SEMA5A: variants seen among roughly 807,000 people sequenced by gnomAD.
SEMA5A encodes semaphorin 5A, also known as semaphorin-5A.
SEMA5A carries 55 observed loss-of-function variants against 135.5 expected under a neutral mutation model. The observed-to-expected ratio is 0.41, with a 90% confidence interval of 0.33 to 0.51. SEMA5A has a LOEUF of 0.51. SEMA5A is among the 20% of genes least tolerant of loss of function. The pLI, the probability that SEMA5A is intolerant of heterozygous loss-of-function variation, is 0.37. For synonymous variants in SEMA5A, 580 were observed against 546.5 expected, an observed-to-expected ratio of 1.06 and a Z score of -0.85; for missense variants, 1,290 against 1,419.9, an observed-to-expected ratio of 0.91 and a Z score of 1.47.
chr5:9,200,199 A>G (rs781335519), intron 9 of SEMA5A, among the ~76,000 whole-genome samples: 11 of 152,240 alleles, frequency 7.2e-5, no homozygotes, highest in Non-Finnish European at 1.3e-4. Context: ...TCTATCTCTA[A>G]AAGTATAGAT....
chr5:9,075,974 A>C (rs1738030574), intron 16 of SEMA5A, among the ~76,000 whole-genome samples: 1 of 152,084 alleles, frequency 6.6e-6, no homozygotes, highest in Admixed American at 6.5e-5. Context: ...TGGGAGGCTG[A>C]GGCGGTTGCA....
chr5:9,468,622 A>G (rs995561213), intron 1 of SEMA5A, among the ~76,000 whole-genome samples: 1 of 152,260 alleles, frequency 6.6e-6, no homozygotes, highest in African/African-American at 2.4e-5. Context: ...TATAAAATTC[A>G]GGCTGTCTAT....
intron 2 of SEMA5A, among the ~76,000 whole-genome samples, chr5:9,420,642 G>A (rs1757432731): frequency 6.6e-6 from 1 of 152,136 alleles, no homozygotes; most frequent in African/African-American, 2.4e-5. Context: ...AGTATTTTGA[G>A]CCCTTTAGAC....
At chr5:9,374,725 C>T (rs183541328) in intron 3 of SEMA5A, among the ~76,000 whole-genome samples, 8 of 152,178 alleles carry the variant, frequency 5.3e-5, no homozygotes, top group Admixed American at 2.6e-4. Flanking sequence ...GCCCTGTACT[C>T]TTGGCCTGGG....
chr5:9,113,759 C>T (rs1740368013), intron 15 of SEMA5A, among the ~76,000 whole-genome samples: 1 of 152,120 alleles, frequency 6.6e-6, no homozygotes, highest in South Asian at 2.1e-4. Flanking sequence ...GATACCAGTT[C>T]ATACCTACTA....
At chr5:9,076,594 T>C (rs147084799) in intron 16 of SEMA5A, among the ~76,000 whole-genome samples, 164 of 152,344 alleles carry the variant, frequency 1.1e-3, no homozygotes, top group African/African-American at 3.8e-3. Context: ...CATGTAACAA[T>C]ATTTCATGTG....
chr5:9,409,962 A>T (rs1474831168), intron 2 of SEMA5A, among the ~76,000 whole-genome samples: 1 of 150,224 alleles, frequency 6.7e-6, no homozygotes, highest in African/African-American at 2.5e-5. Flanking sequence ...ATCCAGGCAC[A>T]ATGGAACCCT....
At chr5:9,449,400 T>G (rs1401651737) in intron 1 of SEMA5A, among the ~76,000 whole-genome samples, 1 of 151,862 alleles carries the variant, frequency 6.6e-6, no homozygotes, top group African/African-American at 2.4e-5. Flanking sequence ...GGGAACAACA[T>G]ACCTTGGGAC....
intron 5 of SEMA5A, among the ~76,000 whole-genome samples, chr5:9,245,243 G>T (rs577401668): frequency 6.6e-6 from 1 of 152,236 alleles, no homozygotes; most frequent in East Asian, 1.9e-4. Context: ...ACATGTCTAT[G>T]TTCCCTGCCT....
At chr5:9,221,619 A>G (rs924575903) in intron 8 of SEMA5A, among the ~76,000 whole-genome samples, 2 of 152,096 alleles carry the variant, frequency 1.3e-5, no homozygotes, top group Non-Finnish European at 2.9e-5. Context: ...CATTTTTCTG[A>G]AATCATGAGT....
At chr5:9,534,890 C>A (rs946345915) in intron 1 of SEMA5A, among the ~76,000 whole-genome samples, 6 of 152,200 alleles carry the variant, frequency 3.9e-5, no homozygotes, top group Non-Finnish European at 7.3e-5. Flanking sequence ...TTTAAAAATG[C>A]CTTTCAGGAT....
intron 5 of SEMA5A, among the ~76,000 whole-genome samples, chr5:9,295,058 T>C (rs560632446): frequency 1.4e-4 from 21 of 152,332 alleles, no homozygotes; most frequent in African/African-American, 5.1e-4. Flanking sequence ...CCAGTGCTTC[T>C]GGGATCGGAT....
chr5:9,119,990 A>AT (rs1206866718), intron 14 of SEMA5A, among the ~76,000 whole-genome samples: 2 of 152,018 alleles, frequency 1.3e-5, no homozygotes, highest in East Asian at 3.8e-4. Flanking sequence ...TTAGTATTGT[A>AT]TTTTTTCCTT....
chr5:9,314,700 A>T (rs1304729909), intron 5 of SEMA5A, among the ~76,000 whole-genome samples: 2 of 141,604 alleles, frequency 1.4e-5, no homozygotes, highest in African/African-American at 5.9e-5. Context: ...ACGTGATATA[A>T]AAAAAAAAAG....
At position 9,305,729 on chromosome 5, in the gene SEMA5A, T is replaced by TACACTC. The variant is rs1554017507; in HGVS notation, c.270+12642_270+12643insGAGTGT. On this transcript the variant is annotated intron_variant, in intron 5 of 22. Transcript: ENST00000382496. The stretch of plus-strand genomic sequence containing the variant: ...GTGCGTATATATATATATATATATT[T>TACACTC]ACACGCACACACACACACACACACA... Among the ~76,000 whole-genome samples the TACACTC allele has an allele frequency of 4.2e-4, 38 of 90,328 alleles. 1 individual carries two copies. The highest frequency in any genetic ancestry group is 4.0e-4 in the African/African-American group (8 of 20,172). The allele number at this position is 90,328 out of a possible 152,430, so 59.3% of individuals were successfully genotyped here.
intron 2 of SEMA5A, among the ~76,000 whole-genome samples, chr5:9,436,219 A>T (rs925107769): frequency 1.3e-5 from 2 of 152,182 alleles, no homozygotes; most frequent in Non-Finnish European, 2.9e-5. Context: ...ACATTAGCTA[A>T]TAACTCTTCC....
At chr5:9,188,946 C>A (rs2150343991) in intron 11 of SEMA5A, among the ~76,000 whole-genome samples, 1 of 152,324 alleles carries the variant, frequency 6.6e-6, no homozygotes, top group East Asian at 1.9e-4. Flanking sequence ...CTCTCCAGTT[C>A]CTCCTCTTCC....
chr5:9,197,877 C>A (rs1745506106), intron 9 of SEMA5A, among the ~76,000 whole-genome samples: 7 of 151,634 alleles, frequency 4.6e-5, no homozygotes, highest in Non-Finnish European at 1.5e-5. Flanking sequence ...TTCATATTTT[C>A]TTTTAATGTA....
At chr5:9,418,265 T>C (rs1757349868) in intron 2 of SEMA5A, among the ~76,000 whole-genome samples, 1 of 152,042 alleles carries the variant, frequency 6.6e-6, no homozygotes, top group Non-Finnish European at 1.5e-5. Flanking sequence ...CATGAGCCAC[T>C]GTGCCTGGCC....
Sources: allele counts gnomAD v4.1 joint callset (sites outside exome capture counted in the v4.1 genomes callset), GRCh38; gene constraint gnomAD v4.1.1; transcripts MANE v1.5; gene names NCBI Gene and HGNC (gene_info 2026-07-23, HGNC 2026-07-21).